The following CAP2 variants were observed in gnomAD, a reference collection of about 807,000 sequenced individuals.
CAP2 encodes cyclase associated actin cytoskeleton regulatory protein 2.
In CAP2, 24 loss-of-function variants were observed where a neutral mutation model predicts 57.7. The observed-to-expected ratio is 0.42, with a 90% CI of 0.30 to 0.58. The LOEUF is 0.58. Ranked by LOEUF, CAP2 falls within the 20% of genes least tolerant of loss-of-function variation. CAP2 has a pLI of 0.22. For missense variants in CAP2, 501 were observed against 590.3 expected, an observed-to-expected ratio of 0.85 and a Z score of 1.57; for synonymous variants, 194 against 207.2, an observed-to-expected ratio of 0.94 and a Z score of 0.55.
chr6:17,526,134 T>A (rs77969769), intron 7 of CAP2, among the ~76,000 whole-genome samples: 20 of 151,904 alleles, frequency 1.3e-4, no homozygotes, highest in African/African-American at 2.7e-4. Flanking sequence ...TTTTTTTTTT[T>A]AATGATGGAG....
intron 4 of CAP2, among the ~76,000 whole-genome samples, chr6:17,489,119 G>A (rs1761488612): frequency 6.6e-6 from 1 of 152,114 alleles, no homozygotes; most frequent in South Asian, 2.1e-4. Context: ...TGGCCACCAT[G>A]AGCCACAGAG....
At chr6:17,428,297 G>T (rs559116479) in intron 3 of CAP2, among the ~76,000 whole-genome samples, 1 of 152,122 alleles carries the variant, frequency 6.6e-6, no homozygotes, top group African/African-American at 2.4e-5. Flanking sequence ...CATCTCCGGG[G>T]TTAGTCATTG....
At chr6:17,444,905 C>T (rs1054541792) in intron 3 of CAP2, among the ~76,000 whole-genome samples, 2 of 151,464 alleles carry the variant, frequency 1.3e-5, no homozygotes, top group Non-Finnish European at 2.9e-5. Context: ...TCATTCCCTT[C>T]ATTCTCGTTG....
chr6:17,479,214 T>TGTGTGTACACACAC (rs1761227210), intron 4 of CAP2, among the ~76,000 whole-genome samples: 1 of 152,122 alleles, frequency 6.6e-6, no homozygotes, highest in Non-Finnish European at 1.5e-5. Flanking sequence ...CACCTGTACG[T>TGTGTGTACACACAC]GTGTGTACAC....
At chr6:17,554,606 T>C (rs1418600432) in intron 12 of CAP2, among the ~76,000 whole-genome samples, 1 of 152,226 alleles carries the variant, frequency 6.6e-6, no homozygotes, top group Non-Finnish European at 1.5e-5. Flanking sequence ...AAAGAAACAG[T>C]TGGATCCTAC....
chr6:17,474,395 G>A (rs1040108845), intron 4 of CAP2, among the ~76,000 whole-genome samples: 4 of 151,556 alleles, frequency 2.6e-5, no homozygotes, highest in Non-Finnish European at 4.4e-5. Flanking sequence ...ATCTGGAATC[G>A]TTTGTTAGAT....
chr6:17,400,956 A>G (rs2113500315), intron 1 of CAP2, among the ~76,000 whole-genome samples: 1 of 152,346 alleles, frequency 6.6e-6, no homozygotes, highest in South Asian at 2.1e-4. Flanking sequence ...CCACACTAAG[A>G]AAATGAGATG....
chr6:17,553,632 C>CA (rs1190269006), intron 12 of CAP2, among the ~76,000 whole-genome samples: 5,542 of 103,812 alleles, frequency 0.053, 248 homozygotes, highest in East Asian at 0.23. Context: ...GACTCCATCT[C>CA]AAAAAAAAAA....
intron 3 of CAP2, 102 bp downstream of exon 3, chr6:17,426,792 T>C: frequency 1.3e-6 from 1 of 791,726 alleles, no homozygotes; most frequent in East Asian, 2.6e-5. Context: ...ATTTATTTAG[T>C]TTTTACTCTG....
chr6:17,492,894 G>T (rs1761578423), intron 4 of CAP2, among the ~76,000 whole-genome samples: 1 of 152,108 alleles, frequency 6.6e-6, no homozygotes, highest in African/African-American at 2.4e-5. Flanking sequence ...AAGTCCCTAG[G>T]ACTATGCCTG....
At chr6:17,462,814 C>T (rs376210557) in intron 3 of CAP2, among the ~76,000 whole-genome samples, 182 bp from the exon 4 acceptor site, 3 of 152,102 alleles carry the variant, frequency 2.0e-5, no homozygotes, top group South Asian at 4.1e-4. Context: ...GATGGATATT[C>T]GGGTTGTTCC....
At chr6:17,487,626 C>A (rs747096610) in intron 4 of CAP2, among the ~76,000 whole-genome samples, 1 of 152,162 alleles carries the variant, frequency 6.6e-6, no homozygotes, top group Non-Finnish European at 1.5e-5. Context: ...CCCGCCACCA[C>A]GCCCGGCTAA....
At chr6:17,529,593 A>G (rs1317026826) in intron 7 of CAP2, among the ~76,000 whole-genome samples, 1 of 150,064 alleles carries the variant, frequency 6.7e-6, no homozygotes, top group Non-Finnish European at 1.5e-5. Context: ...GTGAGCCGAG[A>G]TCACGCCACT....
chr6:17,490,379 T>G (rs1022804803), intron 4 of CAP2, among the ~76,000 whole-genome samples: 1 of 152,230 alleles, frequency 6.6e-6, no homozygotes, highest in African/African-American at 2.4e-5. Context: ...CTTCCTGGTG[T>G]TGTTGTGGCC....
intron 4 of CAP2, among the ~76,000 whole-genome samples, chr6:17,487,256 A>G (rs989043459): frequency 6.6e-6 from 1 of 152,058 alleles, no homozygotes; most frequent in Admixed American, 6.5e-5. Context: ...CAAGCCCCTG[A>G]GAAACACTCC....
At chr6:17,448,768 CT>C (rs68005681) in intron 3 of CAP2, among the ~76,000 whole-genome samples, 72,760 of 147,166 alleles carry the variant, frequency 0.49, 18,448 homozygotes, top group East Asian at 0.83. Flanking sequence ...TCTACATTAT[CT>C]TTTTTTTTTT....
chr6:17,514,346 G>C (rs1762222172), intron 7 of CAP2, among the ~76,000 whole-genome samples: 1 of 152,088 alleles, frequency 6.6e-6, no homozygotes, highest in Admixed American at 6.5e-5. Context: ...CTGGGCGACA[G>C]AGCAAAACTC....
intron 4 of CAP2, among the ~76,000 whole-genome samples, chr6:17,500,385 T>TATATATATATATATA (rs1761787036): frequency 9.9e-5 from 2 of 20,120 alleles, no homozygotes; most frequent in Non-Finnish European, 2.8e-4. Flanking sequence ...ATATATATAT[T>TATATATATATATATA]TGGAGACGGA....
intron 12 of CAP2, among the ~76,000 whole-genome samples, chr6:17,556,038 C>A (rs1316836773): frequency 6.6e-6 from 1 of 152,194 alleles, no homozygotes; most frequent in East Asian, 1.9e-4. Flanking sequence ...ATGGCATCCC[C>A]AAGAACTCCT....
Sources: allele counts gnomAD v4.1 joint callset (sites outside exome capture counted in the v4.1 genomes callset), GRCh38; gene constraint gnomAD v4.1.1; transcripts MANE v1.5; gene names NCBI Gene and HGNC (gene_info 2026-07-23, HGNC 2026-07-21).